The following NF2 variants were observed in gnomAD, a reference collection of about 807,000 sequenced individuals.
The protein encoded by NF2 is NF2, moesin-ezrin-radixin like (MERLIN) tumor suppressor.
NF2 carries 8 observed loss-of-function variants against 83.7 expected under a neutral mutation model. That is an observed-to-expected ratio of 0.10 (90% confidence interval 0.06 to 0.17). The LOEUF is 0.17. Among genes scored for constraint, NF2 ranks in the 10% least tolerant of loss-of-function variants. The probability of loss-of-function intolerance (pLI) is 1.00; values close to 1 mark genes in which losing one functional copy is unlikely to be tolerated. For synonymous variants in NF2, 266 were observed against 269.6 expected (o/e 0.99, Z 0.13); for missense variants, 533 against 744.4 (o/e 0.72, Z 3.31).
chr22:29,607,929 T>G (rs1235627904), intron 1 of NF2, among the ~76,000 whole-genome samples: 1 of 151,750 alleles, frequency 6.6e-6, no homozygotes, highest in African/African-American at 2.4e-5. Flanking sequence ...TCCCAGCACT[T>G]TGGGAGGCTG....
intron 6 of NF2, among the ~76,000 whole-genome samples, chr22:29,656,809 G>A (rs1485358892): frequency 3.9e-5 from 6 of 151,984 alleles, no homozygotes. Context: ...GGCTGTACCT[G>A]TTTATACATG....
At chr22:29,656,558 C>T (rs1210213073) in intron 6 of NF2, among the ~76,000 whole-genome samples, 2 of 151,776 alleles carry the variant, frequency 1.3e-5, no homozygotes, top group East Asian at 3.9e-4. Context: ...ACTACAGGCA[C>T]CCGCCACCAC....
intron 1 of NF2, among the ~76,000 whole-genome samples, chr22:29,624,077 G>A (rs1316536662): frequency 6.6e-6 from 1 of 152,148 alleles, no homozygotes. Context: ...TGATGGAAGG[G>A]GTAAATTGGC....
At chr22:29,669,500 C>G (rs1246641847) in intron 10 of NF2, among the ~76,000 whole-genome samples, 1 of 152,124 alleles carries the variant, frequency 6.6e-6, no homozygotes, top group East Asian at 1.9e-4. Context: ...AAGCAAGACC[C>G]TGTTTTAAAA....
chr22:29,685,661 A>G (rs1230757654), intron 15 of NF2, among the ~76,000 whole-genome samples: 1 of 152,026 alleles, frequency 6.6e-6, no homozygotes, highest in Non-Finnish European at 1.5e-5. Flanking sequence ...TCTTCCTGCC[A>G]CAGCCTCCCA....
chr22:29,689,710 T>C (rs1391366325), intron 15 of NF2, among the ~76,000 whole-genome samples: 1 of 152,124 alleles, frequency 6.6e-6, no homozygotes, highest in Non-Finnish European at 1.5e-5. Flanking sequence ...TTAGTTTTGT[T>C]CCCCAGCTTA....
At chr22:29,621,984 G>T (rs1278346482) in intron 1 of NF2, among the ~76,000 whole-genome samples, 1 of 152,154 alleles carries the variant, frequency 6.6e-6, no homozygotes, top group Non-Finnish European at 1.5e-5. Context: ...TTGAAGCCAG[G>T]TCATCTGTCT....
chr22:29,612,486 CT>C (rs574380322), intron 1 of NF2, among the ~76,000 whole-genome samples: 18 of 148,892 alleles, frequency 1.2e-4, no homozygotes, highest in Non-Finnish European at 1.8e-4. Context: ...TCATCCCTAG[CT>C]TTTTTTTTTT....
chr22:29,649,455 C>A (rs1031992017), intron 4 of NF2, among the ~76,000 whole-genome samples: 2 of 152,302 alleles, frequency 1.3e-5, no homozygotes, highest in South Asian at 4.1e-4. Context: ...AATCCCAACT[C>A]TCAGGGAGGC....
chr22:29,683,238 GT>G, intron 15 of NF2: 6 of 1,546,930 alleles, frequency 3.9e-6, no homozygotes, highest in Non-Finnish European at 5.2e-6. Context: ...CACCCACCCT[GT>G]GAAGCCAGAC....
intron 1 of NF2, among the ~76,000 whole-genome samples, chr22:29,612,149 A>G (rs1269631244): frequency 6.6e-6 from 1 of 152,122 alleles, no homozygotes. Context: ...CTGGAGCTAC[A>G]GGTGTGCACC....
At chr22:29,683,069 G>A (rs1222015727) in intron 15 of NF2, 1 of 1,614,204 alleles carries the variant, frequency 6.2e-7, no homozygotes, top group Non-Finnish European at 8.5e-7. Context: ...CTCAAAGTAG[G>A]TTGTTCCCAG....
chr22:29,613,077 C>G (rs954054154), intron 1 of NF2, among the ~76,000 whole-genome samples: 21 of 150,380 alleles, frequency 1.4e-4, no homozygotes, highest in Admixed American at 1.2e-3. Flanking sequence ...GCTTGGGCAA[C>G]AAGAGCGAAA....
chr22:29,690,369 G>A (rs761645558), intron 15 of NF2, among the ~76,000 whole-genome samples: 6 of 152,162 alleles, frequency 3.9e-5, no homozygotes, highest in Non-Finnish European at 7.3e-5. Context: ...TTTGGGGAGC[G>A]TAAGGAGGCC....
At position 29,677,502 on chromosome 22, in the gene NF2, A is replaced by G. The variant is rs1338536930; in HGVS notation, c.1447-694A>G. Among the ~76,000 whole-genome samples, 4 of 145,594 alleles carry G rather than the reference A, an allele frequency of 2.7e-5. 1 individual carries two copies. The East Asian group carries it at 9.7e-4, about 35-fold the overall frequency. ...CCCTTTGTGCTGGGATGAAAGTCCA[A>G]AAAAAAAAAAAACTACACCACCCCT... On this transcript the variant is annotated intron_variant, in intron 13 of 15. Coordinates refer to ENST00000338641, the MANE Select transcript of NF2 (RefSeq NM_000268.4).
chr22:29,625,267 A>G (rs2146790036), intron 1 of NF2, among the ~76,000 whole-genome samples: 1 of 152,112 alleles, frequency 6.6e-6, no homozygotes, highest in East Asian at 1.9e-4. Context: ...TACAATCTCT[A>G]TTTAGCTTGA....
chr22:29,670,937 C>T (rs577596225), intron 10 of NF2, among the ~76,000 whole-genome samples: 3 of 152,124 alleles, frequency 2.0e-5, no homozygotes, highest in Non-Finnish European at 4.4e-5. Flanking sequence ...GCAGCTCCCC[C>T]CTGTGAAATA....
chr22:29,660,581 T>C (rs1452829595), intron 7 of NF2, among the ~76,000 whole-genome samples: 1 of 152,234 alleles, frequency 6.6e-6, no homozygotes, highest in Non-Finnish European at 1.5e-5. Context: ...TTTTTTTGTT[T>C]TGTTTTTTAA....
chr22:29,624,853 CTT>C (rs2065314828), intron 1 of NF2, among the ~76,000 whole-genome samples: 15 of 139,032 alleles, frequency 1.1e-4, no homozygotes, highest in East Asian at 2.1e-4. Context: ...TTCTTTCTTT[CTT>C]TCTTTCTTTC....
Sources: allele counts gnomAD v4.1 joint callset (sites outside exome capture counted in the v4.1 genomes callset), GRCh38; gene constraint gnomAD v4.1.1; transcripts MANE v1.5; gene names NCBI Gene and HGNC (gene_info 2026-07-23, HGNC 2026-07-21).